Variants in COL6A1 observed in about 807,000 individuals in gnomAD.
COL6A1 encodes collagen alpha-1(VI) chain.
Under a neutral mutation model 145.6 loss-of-function variants are expected in COL6A1, and 80 were observed. The ratio of observed to expected loss-of-function variants is 0.55; its 90% CI spans 0.46 to 0.66. COL6A1 has a LOEUF of 0.66. Ranked by LOEUF, COL6A1 falls within the 30% of genes least tolerant of loss-of-function variation. COL6A1 has a pLI of 0.00. For synonymous variants in COL6A1, 638 were observed against 622.8 expected, an observed-to-expected ratio of 1.02 and a Z score of -0.36; for missense variants, 1,364 against 1,473.8, an observed-to-expected ratio of 0.93 and a Z score of 1.22.
chr21:45,992,879 G>T, intron 19 of COL6A1, 69 bp downstream of exon 19: 3 of 1,382,038 alleles, frequency 2.2e-6, no homozygotes, highest in Non-Finnish European at 3.0e-6. Context: ...GCTGGGTCAG[G>T]CCTCCAGAGC....
chr21:46,004,345 T>A lies in COL6A1; in HGVS notation c.*332T>A. ...CAGCCCTGAGCTGGCCTCACCTGGG[T>A]TCCCCACCCCGGGCTCTCCTGCCCT... On this transcript the variant is annotated 3_prime_UTR_variant, in exon 35 of 35. Transcript: ENST00000361866. 1 of 421,078 alleles carries A rather than the reference T, an allele frequency of 2.4e-6. No individual in the cohort carries two copies. The highest frequency in any genetic ancestry group is 2.5e-5 in the South Asian group (1 of 39,440). 26.1% of individuals were successfully genotyped at this position (421,078 alleles called of 1,614,324 possible).
chr21:45,985,951 A>G (rs934864622), intron 3 of COL6A1, among the ~76,000 whole-genome samples: 2 of 152,182 alleles, frequency 1.3e-5, no homozygotes, highest in Non-Finnish European at 2.9e-5. Flanking sequence ...CCACAGACAG[A>G]CACGACTCCC....
Position 46,003,964 on chromosome 21 carries a change from TC to T in COL6A1, c.3040del (p.Arg1014AlafsTer35), listed in dbSNP as rs2077865771. 2 of 1,612,822 alleles carry T rather than the reference TC, an allele frequency of 1.2e-6. No homozygotes were observed. The highest frequency in any genetic ancestry group is 2.7e-5 in the African/African-American group (2 of 74,922). On this transcript the variant is annotated frameshift_variant, in exon 35 of 35. Transcript: ENST00000361866. LOFTEE classifies it high-confidence loss of function. ...CGTGTCCCCAGCTACCAGGCCCTGCTCCGCGGTGTCTTCCACCAGACAGTCT... is the reference window on the plus strand; with the variant it reads ...CGTGTCCCCAGCTACCAGGCCCTGCTCGCGGTGTCTTCCACCAGACAGTCT... ...LFRVPSYQAL[L>X]RGVFHQTVSR... is the part of the protein sequence containing the mutation.
At chr21:45,987,543 A>AT (rs746106064) in intron 7 of COL6A1, 24 bp downstream of exon 7, 1 of 1,612,394 alleles carries the variant, frequency 6.2e-7, no homozygotes, top group Non-Finnish European at 8.5e-7. Context: ...CCGACCCCTG[A>AT]CCCCGCGCCC....
In COL6A1 at chr21:46,001,332, C is replaced by T; in HGVS notation, c.1902C>T (p.Ala634=). 2 of 1,612,944 alleles carry T rather than the reference C, an allele frequency of 1.2e-6. No homozygotes were observed. Among genetic ancestry groups the T allele is most frequent in the Non-Finnish European group, 1.7e-6 (2 of 1,179,906 alleles). Residue 634 remains alanine (A), a synonymous_variant, in exon 30 of 35, where the codon GCC becomes GCT. Transcript: ENST00000361866. ...TTGGCCTGCAGAACTTCGAGATTGC[C>T]AAGGACTTCGTCGTCAAGGTCATCG... The part of the protein sequence containing the change: ...ESIGLQNFEI[A]KDFVVKVIDR...
At position 45,987,489 on chromosome 21, in the gene COL6A1, C is replaced by A; in HGVS notation, c.739-10C>A. ...TCCCACTGACTCGTCTCCATGCTTT[C>A]CCCCCACAGTGCTGCTCCTTCGAAT... is the stretch of plus-strand genomic sequence containing the variant. On this transcript the variant is annotated splice_polypyrimidine_tract_variant and intron_variant, in intron 6 of 34. Transcript: ENST00000361866. 6.2e-7 allele frequency: 1 copy of A among 1,612,888 alleles called. No individual in the cohort carries two copies. Among genetic ancestry groups the A allele is most frequent in the Non-Finnish European group, 8.5e-7 (1 of 1,179,952 alleles).
intron 2 of COL6A1, among the ~76,000 whole-genome samples, chr21:45,983,303 A>ACCCTC (rs1055681953): frequency 6.7e-6 from 1 of 148,796 alleles, no homozygotes; most frequent in African/African-American, 2.5e-5. Flanking sequence ...GGGACACGGC[A>ACCCTC]CCCTCTGCTC....
chr21:45,982,478 C>T (rs2077713586), intron 1 of COL6A1, among the ~76,000 whole-genome samples, 156 bp from the exon 2 acceptor site: 1 of 152,184 alleles, frequency 6.6e-6, no homozygotes, highest in African/African-American at 2.4e-5. Context: ...CCCCACCGTC[C>T]CCACCGAGGG....
In COL6A1 at chr21:46,000,360, A is replaced by G. The variant is rs761962087; in HGVS notation, c.1806A>G (p.Lys602=). The G allele has an allele frequency of 6.2e-7, 1 of 1,613,916 alleles. No homozygotes were observed. The highest frequency in any genetic ancestry group is 1.1e-5 in the South Asian group (1 of 91,078). Residue 602 remains lysine, a synonymous_variant, in exon 28 of 35, where the codon AAA becomes AAG. Transcript: ENST00000361866. ...DECEILDIIM[K]MCSCCECKCG... is the part of the protein sequence containing the mutation. ...GCGAGATTTTGGACATCATCATGAA[A>G]ATGTGCTGTGAGTATCTCTGAGAAG...
rs576649819 is a variant in COL6A1 at position 45,991,269 on chromosome 21, G to C, written c.1119+228G>C. Among the ~76,000 whole-genome samples, 6 of 152,228 alleles carry C rather than the reference G, an allele frequency of 3.9e-5. 1 individual carries two copies. Among genetic ancestry groups the C allele is most frequent in the Admixed American group, 3.9e-4 (6 of 15,284 alleles). On this transcript the variant is annotated intron_variant, in intron 15 of 34. Transcript: ENST00000361866. ...CCGCCCAGAGCCTTCCCTGCAGCCC[G>C]AGGGCCTTCAGGCCTCCGCCATTCT...
chr21:45,989,095 C>G lies in COL6A1; in HGVS notation c.816C>G (p.Gly272=), dbSNP rs772576110. 4 of 1,611,308 alleles carry G rather than the reference C, an allele frequency of 2.5e-6. No individual in the cohort carries two copies. The East Asian group carries it at 8.9e-5, about 36-fold the overall frequency. Residue 272 remains glycine, a synonymous_variant, in exon 9 of 35, where the codon GGC becomes GGG. Transcript: ENST00000361866. ...RGDPGFEGER[G]KPGLPGEKGE... The stretch of plus-strand genomic sequence containing the variant: ...GTTTTGTGTTCCAGGGAGAACGAGG[C>G]AAGCCGGGGCTCCCAGGAGAGAAGG...
chr21:45,998,062 G>A, intron 22 of COL6A1, 59 bp from the exon 23 acceptor site: 3 of 1,596,526 alleles, frequency 1.9e-6, no homozygotes, highest in Admixed American at 1.7e-5. Flanking sequence ...GCCTGTGCCA[G>A]CCAGTGGGTA....
At chr21:45,989,423 C>A (rs1003787580) in intron 9 of COL6A1, among the ~76,000 whole-genome samples, 185 bp from the exon 10 acceptor site, 3 of 152,206 alleles carry the variant, frequency 2.0e-5, no homozygotes, top group African/African-American at 7.2e-5. Context: ...TGGCCCAAAT[C>A]CTATCCATAG....
chr21:45,997,750 G>A lies in COL6A1; in HGVS notation c.1512G>A (p.Leu504=), dbSNP rs1270272613. The A allele has an allele frequency of 1.3e-6, 2 of 1,593,184 alleles. No individual in the cohort carries two copies. The highest frequency in any genetic ancestry group is 1.7e-5 in the Admixed American group (1 of 57,532). ...GPAGPPGDPG[L]MGERGEDGPA... ...CCGGACCCCCTGGAGACCCGGGGCT[G>A]ATGGGTGAAAGGGTGAGTGTCCAAC... The change falls in exon 22 of 35, where the codon CTG becomes CTA. Residue 504 remains leucine (L), a synonymous_variant. Coordinates refer to ENST00000361866, the MANE Select transcript of COL6A1 (RefSeq NM_001848.3).
intron 2 of COL6A1, among the ~76,000 whole-genome samples, chr21:45,983,665 G>GT (rs891348138): frequency 3.3e-5 from 5 of 152,056 alleles, no homozygotes; most frequent in African/African-American, 1.2e-4. Flanking sequence ...GTTTGGGGGG[G>GT]GGTCTGGCTG....
At chr21:45,998,661 C>T (rs1322649703) in intron 24 of COL6A1, among the ~76,000 whole-genome samples, 1 of 152,186 alleles carries the variant, frequency 6.6e-6, no homozygotes, top group Admixed American at 6.5e-5. Context: ...CCTCACGGCC[C>T]TGACTGCCCG....
chr21:45,984,511 G>A (rs762717913), intron 3 of COL6A1, 42 bp downstream of exon 3: 39 of 1,588,116 alleles, frequency 2.5e-5, no homozygotes, highest in South Asian at 2.2e-4. Flanking sequence ...GTTCTCACGC[G>A]TGGTACCCAG....
chr21:46,004,528 C>T lies in COL6A1; in HGVS notation c.*515C>T, dbSNP rs1472331684. The T allele has an allele frequency of 1.6e-5, 5 of 320,106 alleles. No individual in the cohort carries two copies. The highest frequency in any genetic ancestry group is 3.2e-5 in the Non-Finnish European group (5 of 154,250). The allele number at this position is 320,106 out of a possible 1,614,324, so 19.8% of individuals were successfully genotyped here. A position where few individuals can be genotyped will look rare whatever the true frequency, so the allele number is the denominator to read the frequency against. ...AGCTGGTTTTTCCCACCAATCCTCA[C>T]CTAACAGTTACTTTACAATTAAACT... On this transcript the variant is annotated 3_prime_UTR_variant, in exon 35 of 35. Transcript: ENST00000361866.
rs546480880 is a variant in COL6A1 at position 45,998,419 on chromosome 21, G to A, written c.1597G>A (p.Ala533Thr). 15 of 1,613,288 alleles carry A rather than the reference G, an allele frequency of 9.3e-6. No homozygotes were observed. Among genetic ancestry groups the A allele is most frequent in the African/African-American group, 8.0e-5 (6 of 75,066 alleles). ...GFPGYPGNRG[A>T]PGINGTKGYP... ...ACAGGGGTATCCGGGCAACAGGGGC[G>A]CTCCCGGGATAAACGTGAGTACGCC... Residue 533 changes from alanine (A) to threonine (T), a missense_variant, in exon 24 of 35, where the codon GCT (alanine) becomes ACT (threonine). This residue lies in a region of COL6A1 where 938 missense variants were observed against 1,003.8 expected (regional missense o/e 0.93). Coordinates refer to ENST00000361866, the MANE Select transcript of COL6A1 (RefSeq NM_001848.3).
Sources: allele counts gnomAD v4.1 joint callset (sites outside exome capture counted in the v4.1 genomes callset), GRCh38; gene constraint gnomAD v4.1.1; regional missense constraint gnomAD v4.1.1; transcripts MANE v1.5; gene names NCBI Gene and HGNC (gene_info 2026-07-23, HGNC 2026-07-21).